PRICKLE2: variants seen among roughly 807,000 people sequenced by gnomAD.
PRICKLE2 encodes the protein prickle planar cell polarity protein 2.
Under a neutral mutation model 81.4 loss-of-function variants are expected in PRICKLE2, and 21 were observed. That is an observed-to-expected ratio of 0.26 (90% CI 0.18 to 0.37). PRICKLE2 has a LOEUF of 0.37. Among genes scored for constraint, PRICKLE2 ranks in the 10% least tolerant of loss-of-function variants. The pLI is 1.00. For synonymous variants in PRICKLE2, 456 were observed against 421.5 expected (o/e 1.08, Z -1.00); for missense variants, 940 against 1,109.0 (o/e 0.85, Z 2.16).
At chr3:64,171,136 C>G (rs189556257) in intron 2 of PRICKLE2, among the ~76,000 whole-genome samples, 21 of 152,220 alleles carry the variant, frequency 1.4e-4, no homozygotes, top group Middle Eastern at 3.4e-3. Context: ...AAGGTTATTC[C>G]CCCAGATATT....
chr3:64,173,662 G>C (rs2077971903), intron 2 of PRICKLE2, among the ~76,000 whole-genome samples: 2 of 152,148 alleles, frequency 1.3e-5, no homozygotes, highest in Admixed American at 1.3e-4. Flanking sequence ...AAGAGCAGTA[G>C]AAGAGCTGTA....
chr3:64,224,748 A>T (rs2079007444), intron 1 of PRICKLE2, among the ~76,000 whole-genome samples, 162 bp downstream of exon 1: 1 of 152,168 alleles, frequency 6.6e-6, no homozygotes, highest in African/African-American at 2.4e-5. Context: ...TCAGCATAGA[A>T]AAGGCAAAAG....
At position 64,147,172 on chromosome 3, in the gene PRICKLE2, C is replaced by T. The variant is rs780771241; in HGVS notation, c.1318G>A (p.Glu440Lys). Residue 440 changes from glutamate to lysine, a missense_variant, in exon 7 of 8, where the codon GAA becomes AAA. Glu to Lys is a moderately conservative substitution (Grantham distance 56). Transcript: ENST00000638394. The surrounding 1 kb of genome is among the most constrained non-coding windows in gnomAD (Gnocchi z 5.0). ...TTGCTGAAGTGCTTGCCCCACATTT[C>T]GGGCTGGGCCCCAGCCCCTTGCCCT... ...PGGQGAGAQP[E>K]MWGKHFSNPK... The T allele has an allele frequency of 1.1e-5, 18 of 1,613,862 alleles. No individual in the cohort carries two copies. In the Admixed American group the frequency reaches 1.8e-4, roughly 16 times the overall value.
intron 2 of PRICKLE2, among the ~76,000 whole-genome samples, chr3:64,248,624 A>T (rs1301591373): frequency 6.6e-6 from 1 of 151,764 alleles, no homozygotes. Flanking sequence ...CTTTCATTTG[A>T]TATCATATAT....
At position 64,127,370 on chromosome 3, in the gene PRICKLE2, C is replaced by T. The variant is rs1007022785; in HGVS notation, c.1660+19460G>A. Among the ~76,000 whole-genome samples, 13 of 152,256 alleles carry T rather than the reference C, an allele frequency of 8.5e-5. 1 individual carries two copies. Among genetic ancestry groups the T allele is most frequent in the African/African-American group, 1.2e-4 (5 of 41,554 alleles). ...CGGTCACTCTCCCTCCTGCAGCCAA[C>T]GCTGGTCCTCTGTAAGTTTTCCTCT... On this transcript the variant is annotated intron_variant, in intron 7 of 7. Transcript: ENST00000638394.
upstream of PRICKLE2, among the ~76,000 whole-genome samples, chr3:64,225,785 G>C (rs2079023080): frequency 6.6e-6 from 1 of 151,932 alleles, no homozygotes; most frequent in Non-Finnish European, 1.5e-5. Flanking sequence ...TTATCAACCT[G>C]AGCGCCTGTT....
intron 2 of PRICKLE2, among the ~76,000 whole-genome samples, chr3:64,251,156 A>C (rs370557980): frequency 1.3e-5 from 2 of 152,234 alleles, no homozygotes; most frequent in East Asian, 1.9e-4. Flanking sequence ...TGTGGTGCCC[A>C]GTCTGAGGGA....
chr3:64,254,953 T>C (rs1490701180), intron 2 of PRICKLE2, among the ~76,000 whole-genome samples: 1 of 152,176 alleles, frequency 6.6e-6, no homozygotes, highest in Non-Finnish European at 1.5e-5. Flanking sequence ...TGTTGTGAGA[T>C]CACCTGAGAT....
intron 2 of PRICKLE2, chr3:64,174,315 C>T (rs996794692): frequency 6.6e-6 from 1 of 152,150 alleles, no homozygotes; most frequent in Admixed American, 6.5e-5. Flanking sequence ...GTCCTTATCT[C>T]TAGGACTAGA....
At chr3:64,234,168 C>T (rs554157702) in intron 2 of PRICKLE2, among the ~76,000 whole-genome samples, 1 of 151,974 alleles carries the variant, frequency 6.6e-6, no homozygotes, top group East Asian at 1.9e-4. Flanking sequence ...TTTTTATTTT[C>T]CTTGGATACA....
At chr3:64,139,795 A>C (rs570103787) in intron 7 of PRICKLE2, among the ~76,000 whole-genome samples, 1 of 152,098 alleles carries the variant, frequency 6.6e-6, no homozygotes, top group Admixed American at 6.6e-5. Context: ...CTCTTCATAC[A>C]TTCCTACCAC....
At chr3:64,153,735 A>G in intron 5 of PRICKLE2, 1 of 268,502 alleles carries the variant, frequency 3.7e-6, no homozygotes, top group Non-Finnish European at 7.2e-6. Context: ...TTAAATGGAA[A>G]ATATCATATT....
At chr3:64,231,487 T>G (rs1270476559) in intron 2 of PRICKLE2, among the ~76,000 whole-genome samples, 5 of 152,166 alleles carry the variant, frequency 3.3e-5, no homozygotes, top group African/African-American at 1.2e-4. Flanking sequence ...ACAACAAAGA[T>G]CTGTACAGGG....
At chr3:64,254,006 C>T (rs2079488241) in intron 2 of PRICKLE2, among the ~76,000 whole-genome samples, 1 of 152,154 alleles carries the variant, frequency 6.6e-6, no homozygotes, top group South Asian at 2.1e-4. Context: ...TTGGGGCCTT[C>T]AGATGGATGG....
At chr3:64,116,375 C>T (rs1350334941) in intron 7 of PRICKLE2, among the ~76,000 whole-genome samples, 3 of 151,536 alleles carry the variant, frequency 2.0e-5, no homozygotes, top group African/African-American at 7.3e-5. Context: ...GACTGAGACA[C>T]AAAAAAGCCA....
At chr3:64,135,256 G>A (rs960143196) in intron 7 of PRICKLE2, among the ~76,000 whole-genome samples, 4 of 152,180 alleles carry the variant, frequency 2.6e-5, no homozygotes, top group Admixed American at 1.3e-4. Context: ...TCTCTACTCT[G>A]CTGGGTAAGA....
intron 2 of PRICKLE2, among the ~76,000 whole-genome samples, chr3:64,170,765 C>T (rs2077916869): frequency 1.3e-5 from 2 of 150,504 alleles, no homozygotes; most frequent in African/African-American, 4.9e-5. Flanking sequence ...GTCTCAGCTA[C>T]TCTGGAGGCT....
chr3:64,158,990 G>A (rs908436047), intron 4 of PRICKLE2, among the ~76,000 whole-genome samples: 3 of 152,216 alleles, frequency 2.0e-5, no homozygotes, highest in Non-Finnish European at 4.4e-5. Flanking sequence ...TCAAAAAGCT[G>A]TAGGACTTAG....
rs578215666 is a variant in PRICKLE2 at position 64,266,538 on chromosome 3, A to G, written c.129-67571T>C. 5.3e-5 allele frequency among the ~76,000 whole-genome samples: 8 copies of G among 152,282 alleles called. No homozygotes were observed. The South Asian group carries it at 1.7e-3, about 32-fold the overall frequency. On this transcript the variant is annotated intron_variant, in intron 2 of 8. Transcript: ENST00000295902. ...TGGGAAGATGCTTTATTGTAGGATG[A>G]GCAGAATCAGCTGCATATATAAATT...
Sources: gnomAD v4.1 joint callset for allele counts (sites outside exome capture counted in the v4.1 genomes callset) on GRCh38, gnomAD v4.1.1 for gene constraint, Gnocchi (gnomAD v3.1) non-coding constraint, MANE v1.5 for transcripts, NCBI Gene and HGNC (gene_info 2026-07-23, HGNC 2026-07-21) for gene names.